Variants in PKHD1L1 observed in about 807,000 individuals in gnomAD.
PKHD1L1 encodes the protein fibrocystin-L.
In PKHD1L1, 434 loss-of-function variants were observed where a neutral mutation model predicts 462.9. The observed-to-expected ratio is 0.94, with a 90% confidence interval of 0.87 to 1.02. The LOEUF is 1.02. PKHD1L1 is among the 50% of genes least tolerant of loss of function. PKHD1L1 has a pLI of 0.00. For synonymous variants in PKHD1L1, 1,781 were observed against 1,750.0 expected (o/e 1.02, Z -0.44); for missense variants, 5,202 against 5,096.1 (o/e 1.02, Z -0.63).
At chr8:109,497,094 T>C in intron 64 of PKHD1L1, 27 bp downstream of exon 64, 2 of 1,612,612 alleles carry the variant, frequency 1.2e-6, no homozygotes, top group South Asian at 2.2e-5. Context: ...ATGGTGATTG[T>C]TTATTTTCTT....
At chr8:109,392,809 A>G (rs961093431) in intron 9 of PKHD1L1, among the ~76,000 whole-genome samples, 8 of 152,144 alleles carry the variant, frequency 5.3e-5, no homozygotes, top group African/African-American at 1.9e-4. Context: ...AAACAAACCA[A>G]TTAAAGGCCT....
rs555434760 is a variant in PKHD1L1 at position 109,375,966 on chromosome 8, G to A, written c.164-5404G>A. 4.5e-4 allele frequency among the ~76,000 whole-genome samples: 68 copies of A among 152,350 alleles called. 1 individual carries two copies. In the South Asian group the frequency reaches 0.014, roughly 31 times the overall value. ...AGGGGTCATGGACCCACTTGAGGAG[G>A]CAGTCTGCCCATTCTCTGATCTCAA... On this transcript the variant is annotated intron_variant, in intron 2 of 77. Coordinates refer to ENST00000378402, the MANE Select transcript of PKHD1L1 (RefSeq NM_177531.6).
intron 39 of PKHD1L1, 84 bp downstream of exon 39, chr8:109,448,475 A>T: frequency 1.5e-6 from 2 of 1,320,952 alleles, no homozygotes; most frequent in East Asian, 2.6e-5. Flanking sequence ...ATAATATGTT[A>T]CTCAAACACA....
chr8:109,396,494 C>T (rs767411555), intron 11 of PKHD1L1, among the ~76,000 whole-genome samples: 1 of 152,128 alleles, frequency 6.6e-6, no homozygotes, highest in Non-Finnish European at 1.5e-5. Flanking sequence ...TATTTCTCAG[C>T]GAGTTAGCTA....
rs762322776 is a variant in PKHD1L1 at position 109,382,555 on chromosome 8, G to A, written c.401G>A (p.Trp134Ter). ...NNTCKGHINSWECTFNAKSFR... is the reference protein window; with the variant it reads ...NNTCKGHINS ...ACCTGCAAAGGTCACATCAACAGCT[G>A]GGAATGTACCTTCAACGTATGTAGG... Residue 134 changes from tryptophan to a stop codon, truncating the protein, a stop_gained, in exon 4 of 78, where the codon TGG becomes TAG. Coordinates refer to ENST00000378402, the MANE Select transcript of PKHD1L1 (RefSeq NM_177531.6). LOFTEE classifies it high-confidence loss of function. 1 of 1,609,904 alleles carries A rather than the reference G, an allele frequency of 6.2e-7. No homozygotes were observed. The highest frequency in any genetic ancestry group is 8.5e-7 in the Non-Finnish European group (1 of 1,177,782).
chr8:109,388,626 A>G, intron 7 of PKHD1L1, 76 bp downstream of exon 7: 1 of 950,474 alleles, frequency 1.1e-6, no homozygotes, highest in Non-Finnish European at 1.6e-6. Context: ...AGTAATTGCT[A>G]CCAATACTGC....
intron 63 of PKHD1L1, among the ~76,000 whole-genome samples, chr8:109,496,459 A>G (rs985929773): frequency 9.2e-5 from 14 of 152,238 alleles, no homozygotes; most frequent in Non-Finnish European, 1.6e-4. Flanking sequence ...GCTTATTTGT[A>G]TCTAAATCCC....
rs375821067 is a variant in PKHD1L1 at position 109,427,076 on chromosome 8, G to C, written c.2920G>C (p.Val974Leu). ...QSLEGMGRIS[V>L]TREGTCAGYA... The stretch of plus-strand genomic sequence containing the variant: ...TCTGGAGGGAATGGGAAGAATCTCA[G>C]TTACACGAGAGGGAACCTGTGCTGG... Residue 974 changes from valine (V) to leucine (L), a missense_variant, in exon 25 of 78, where the codon GTT becomes CTT. Val to Leu is a conservative substitution (Grantham distance 32). Coordinates refer to ENST00000378402, the MANE Select transcript of PKHD1L1 (RefSeq NM_177531.6). 6.2e-7 allele frequency: 1 copy of C among 1,613,876 alleles called. No individual in the cohort carries two copies. Among genetic ancestry groups the C allele is most frequent in the African/African-American group, 1.3e-5 (1 of 74,922 alleles).
At position 109,517,785 on chromosome 8, in the gene PKHD1L1, G is replaced by A. The variant is rs575048258; in HGVS notation, c.11690-382G>A. On this transcript the variant is annotated intron_variant, in intron 72 of 77. Coordinates refer to ENST00000378402, the MANE Select transcript of PKHD1L1 (RefSeq NM_177531.6). ...CTGTATAAATTAGATAGCTAGTAAA[G>A]TTAAATTTATATTTTTAAATTACCA... Among the ~76,000 whole-genome samples, 11 of 152,192 alleles carry A rather than the reference G, an allele frequency of 7.2e-5. No homozygotes were observed. In the East Asian group the frequency reaches 2.1e-3, roughly 29 times the overall value.
intron 50 of PKHD1L1, chr8:109,470,465 C>T (rs554094778): frequency 6.5e-5 from 105 of 1,606,146 alleles, no homozygotes; most frequent in Non-Finnish European, 8.4e-5. Context: ...TTGGTTAAAG[C>T]CCAGATAGCG....
At chr8:109,389,661 G>A (rs1038960853) in intron 8 of PKHD1L1, among the ~76,000 whole-genome samples, 9 of 152,006 alleles carry the variant, frequency 5.9e-5, no homozygotes, top group Non-Finnish European at 8.8e-5. Flanking sequence ...CCGAGTAGCC[G>A]GGATTACAGG....
In PKHD1L1 at chr8:109,419,216, A is replaced by T. The variant is rs775236293; in HGVS notation, c.2480A>T (p.Asp827Val). The change falls in exon 22 of 78, where the codon GAT becomes GTT. Residue 827 changes from aspartate to valine, a missense_variant. Asp to Val is a radical substitution (Grantham distance 152, BLOSUM62 -3). This residue lies in a region of PKHD1L1 where 4,497 missense variants were observed against 4,336.8 expected (regional missense o/e 1.04). Transcript: ENST00000378402. The part of the protein sequence containing the change: ...KASESQSFYV[D>V]VVYIGHTSTI... ...TCAGAATCACAGTCCTTCTATGTGG[A>T]TGTAGTGTACATTGGACACACATCT... The T allele has an allele frequency of 6.2e-7, 1 of 1,612,428 alleles. No individual in the cohort carries two copies. The highest frequency in any genetic ancestry group is 2.2e-5 in the East Asian group (1 of 44,814).
intron 60 of PKHD1L1, 60 bp downstream of exon 60, chr8:109,490,115 AT>A: frequency 9.4e-7 from 1 of 1,058,624 alleles, no homozygotes; most frequent in Non-Finnish European, 1.4e-6. Flanking sequence ...TTTTATTTTC[AT>A]TTGACTTCTA....
intron 6 of PKHD1L1, among the ~76,000 whole-genome samples, chr8:109,387,116 G>T (rs1193285504): frequency 6.6e-6 from 1 of 152,150 alleles, no homozygotes; most frequent in African/African-American, 2.4e-5. Context: ...CCTGGATTCT[G>T]TTAGTAGGGA....
chr8:109,475,115 T>C lies in PKHD1L1; in HGVS notation c.8606-3T>C. 2 of 1,605,712 alleles carry C rather than the reference T, an allele frequency of 1.2e-6. No homozygotes were observed. The highest frequency in any genetic ancestry group is 2.2e-5 in the East Asian group (1 of 44,582). ...TATTTTCTTGTTCTATGTTCTCCTA[T>C]AGGCACAAGCATTATTCCATTTCAG... On this transcript the variant is annotated splice_region_variant and splice_polypyrimidine_tract_variant and intron_variant, in intron 50 of 77. Coordinates refer to ENST00000378402, the MANE Select transcript of PKHD1L1 (RefSeq NM_177531.6).
chr8:109,438,833 G>A, intron 31 of PKHD1L1, 64 bp from the exon 32 acceptor site: 2 of 1,215,782 alleles, frequency 1.6e-6, no homozygotes, highest in South Asian at 1.6e-5. Flanking sequence ...TATTTAATAT[G>A]CAAATTTCAC....
chr8:109,394,728 G>C (rs1275328758), intron 10 of PKHD1L1, among the ~76,000 whole-genome samples: 2 of 152,152 alleles, frequency 1.3e-5, no homozygotes, highest in Admixed American at 1.3e-4. Context: ...CACTAACACA[G>C]ACAGCAGGGA....
chr8:109,413,663 A>C, intron 21 of PKHD1L1, 118 bp downstream of exon 21: 4 of 648,868 alleles, frequency 6.2e-6, no homozygotes, highest in African/African-American at 1.9e-5. Flanking sequence ...ATGAGGGCAA[A>C]TAATGCACAC....
intron 71 of PKHD1L1, among the ~76,000 whole-genome samples, chr8:109,512,118 G>A (rs1473140837): frequency 5.3e-5 from 8 of 152,092 alleles, no homozygotes; most frequent in Non-Finnish European, 1.0e-4. Flanking sequence ...TGAGTAGGTC[G>A]CGAAAATTTT....
Sources: allele counts gnomAD v4.1 joint callset (sites outside exome capture counted in the v4.1 genomes callset), GRCh38; gene constraint gnomAD v4.1.1; regional missense constraint gnomAD v4.1.1; transcripts MANE v1.5; gene names NCBI Gene and HGNC (gene_info 2026-07-23, HGNC 2026-07-21).